Variants in TNFRSF8 observed in about 807,000 individuals in gnomAD.
The protein encoded by TNFRSF8 is TNF receptor superfamily member 8, also known as tumor necrosis factor receptor superfamily member 8.
A neutral mutation model predicts 70.8 loss-of-function variants in TNFRSF8; 26 were observed. The ratio of observed to expected loss-of-function variants is 0.37; its 90% CI spans 0.27 to 0.51. The LOEUF (loss-of-function observed/expected upper bound fraction) is 0.51. TNFRSF8 is among the 20% of genes least tolerant of loss of function. The pLI, the probability that TNFRSF8 is intolerant of heterozygous loss-of-function variation, is 0.94. For synonymous variants in TNFRSF8, 356 were observed against 339.2 expected (o/e 1.05, Z -0.54); for missense variants, 720 against 807.9 (o/e 0.89, Z 1.32).
chr1:12,084,208 A>G (rs1641113003), intron 1 of TNFRSF8, among the ~76,000 whole-genome samples: 1 of 152,150 alleles, frequency 6.6e-6, no homozygotes, highest in South Asian at 2.1e-4. Flanking sequence ...TGATTATGGT[A>G]TGAAAAGGGC....
At chr1:12,104,031 C>T (rs1641471518) in intron 3 of TNFRSF8, among the ~76,000 whole-genome samples, 1 of 152,164 alleles carries the variant, frequency 6.6e-6, no homozygotes, top group Non-Finnish European at 1.5e-5. Flanking sequence ...CCTCTCCCTC[C>T]CCCTGAACCT....
chr1:12,118,629 A>G (rs987099491), intron 8 of TNFRSF8, among the ~76,000 whole-genome samples: 4 of 152,226 alleles, frequency 2.6e-5, no homozygotes, highest in Non-Finnish European at 4.4e-5. Context: ...ATGCTATGAA[A>G]AGGAACAATA....
intron 14 of TNFRSF8, among the ~76,000 whole-genome samples, chr1:12,140,437 C>T (rs1642230969): frequency 6.6e-6 from 1 of 152,202 alleles, no homozygotes; most frequent in Non-Finnish European, 1.5e-5. Flanking sequence ...CCCCAACTTC[C>T]TCACCTGCCC....
intron 8 of TNFRSF8, among the ~76,000 whole-genome samples, chr1:12,116,172 G>A (rs1003605407): frequency 2.2e-4 from 33 of 151,996 alleles, no homozygotes; most frequent in African/African-American, 7.7e-4. Flanking sequence ...GAAGAGATGC[G>A]GTTTCTCCAT....
intron 1 of TNFRSF8, among the ~76,000 whole-genome samples, chr1:12,074,654 A>G (rs1312526311): frequency 6.6e-6 from 1 of 152,220 alleles, no homozygotes; most frequent in African/African-American, 2.4e-5. Context: ...GAAACATTGC[A>G]GAGTTTTCTG....
At position 12,142,573 on chromosome 1, in the gene TNFRSF8, T is replaced by G. The variant is rs770658397; in HGVS notation, c.*42T>G. ...GGGCTAGGAGGGCAGCAGGGTGGCC[T>G]CTGGGAGGCCAGGATGGCACTGTTG... On this transcript the variant is annotated 3_prime_UTR_variant, in exon 15 of 15. Coordinates refer to ENST00000263932, the MANE Select transcript of TNFRSF8 (RefSeq NM_001243.5). The surrounding 1 kb of genome is among the most constrained non-coding windows in gnomAD (Gnocchi z 5.0). 1 of 1,543,586 alleles carries G rather than the reference T, an allele frequency of 6.5e-7. No homozygotes were observed. Among genetic ancestry groups the G allele is most frequent in the South Asian group, 1.2e-5 (1 of 83,678 alleles).
At chr1:12,087,422 C>T (rs1251765359) in intron 2 of TNFRSF8, among the ~76,000 whole-genome samples, 1 of 152,166 alleles carries the variant, frequency 6.6e-6, no homozygotes. Context: ...CCCGCCTTGG[C>T]CTCATAAAGT....
At chr1:12,115,790 C>T (rs943278699) in intron 8 of TNFRSF8, 61 bp downstream of exon 8, 11 of 1,569,384 alleles carry the variant, frequency 7.0e-6, no homozygotes, top group South Asian at 1.1e-5. Context: ...CACTGTTGTG[C>T]CTCTCCCCAC....
chr1:12,126,208 G>T lies in TNFRSF8; in HGVS notation c.1281G>T (p.Gln427His). 10 of 1,614,160 alleles carry T rather than the reference G, an allele frequency of 6.2e-6. No homozygotes were observed. The highest frequency in any genetic ancestry group is 8.5e-6 in the Non-Finnish European group (10 of 1,180,038). Reference sequence around the variant, plus strand: ...AGCTCCACCTGTGCTACCCGGTCCAGACCTCCCAGCCCAAGCTAGAGCTTG... The same window carrying T: ...AGCTCCACCTGTGCTACCCGGTCCATACCTCCCAGCCCAAGCTAGAGCTTG... ...RQKLHLCYPVQTSQPKLELVD... is the reference protein window; with the variant it reads ...RQKLHLCYPVHTSQPKLELVD... The change falls in exon 12 of 15, where the codon CAG becomes CAT. Residue 427 changes from glutamine (Q) to histidine (H), a missense_variant. By Grantham distance (24) the Gln-to-His change is conservative. Coordinates refer to ENST00000263932, the MANE Select transcript of TNFRSF8 (RefSeq NM_001243.5).
Position 12,116,630 on chromosome 1 carries a change from G to A in TNFRSF8, c.946+901G>A, listed in dbSNP as rs577420874. ...AGCCTGACCAACATGGCAAAACCCC[G>A]TCTCTACTAAAAATACACAAATTAG... On this transcript the variant is annotated intron_variant, in intron 8 of 14. Coordinates refer to ENST00000263932, the MANE Select transcript of TNFRSF8 (RefSeq NM_001243.5). Among the ~76,000 whole-genome samples, 13 of 152,086 alleles carry A rather than the reference G, an allele frequency of 8.5e-5. No individual in the cohort carries two copies. The South Asian group carries it at 1.0e-3, about 12-fold the overall frequency.
chr1:12,085,868 G>A (rs1641145114), intron 2 of TNFRSF8, among the ~76,000 whole-genome samples: 1 of 152,196 alleles, frequency 6.6e-6, no homozygotes, highest in South Asian at 2.1e-4. Context: ...AGATGGGCGG[G>A]GCAGGACATA....
At position 12,141,857 on chromosome 1, in the gene TNFRSF8, A is replaced by C. The variant is rs1026285722; in HGVS notation, c.1544-430A>C. ...TAACCTCTCCAGGCTTCAGATTCTT[A>C]CCTGTAAATGGGAATCTTGATGGGG... On this transcript the variant is annotated intron_variant, in intron 14 of 14. Coordinates refer to ENST00000263932, the MANE Select transcript of TNFRSF8 (RefSeq NM_001243.5). The surrounding 1 kb of genome is among the most constrained non-coding windows in gnomAD (Gnocchi z 5.4). 9.9e-5 allele frequency among the ~76,000 whole-genome samples: 15 copies of C among 152,002 alleles called. No individual in the cohort carries two copies. Among genetic ancestry groups the C allele is most frequent in the African/African-American group, 3.4e-4 (14 of 41,390 alleles).
chr1:12,122,981 A>G (rs1476743607), intron 8 of TNFRSF8, among the ~76,000 whole-genome samples: 1 of 152,054 alleles, frequency 6.6e-6, no homozygotes, highest in Non-Finnish European at 1.5e-5. Context: ...GGTGTGTGCC[A>G]TCACACCTGG....
chr1:12,076,048 C>T (rs1640949700), intron 1 of TNFRSF8, among the ~76,000 whole-genome samples: 1 of 151,686 alleles, frequency 6.6e-6, no homozygotes, highest in African/African-American at 2.4e-5. Flanking sequence ...AACAATGCTG[C>T]TGAACGAAAT....
chr1:12,065,606 A>G (rs1640727477), intron 1 of TNFRSF8, among the ~76,000 whole-genome samples: 1 of 152,152 alleles, frequency 6.6e-6, no homozygotes, highest in African/African-American at 2.4e-5. Context: ...TAATAGACAT[A>G]TATATAGTTT....
At position 12,115,675 on chromosome 1, in the gene TNFRSF8, G is replaced by T; in HGVS notation, c.892G>T (p.Ala298Ser). ...ICATSATNSC[A>S]RCVPYPICAA... is the part of the protein sequence containing the mutation. ...TGCCACATCAGCCACCAACTCCTGT[G>T]CCCGCTGTGTCCCCTACCCAATCTG... is the stretch of plus-strand genomic sequence containing the variant. The change falls in exon 8 of 15, where the codon GCC (alanine) becomes TCC (serine). Residue 298 changes from alanine (A) to serine (S), a missense_variant. Ala to Ser is a moderately conservative substitution (Grantham distance 99). Coordinates refer to ENST00000263932, the MANE Select transcript of TNFRSF8 (RefSeq NM_001243.5). 1 of 1,614,172 alleles carries T rather than the reference G, an allele frequency of 6.2e-7. No homozygotes were observed. The highest frequency in any genetic ancestry group is 1.7e-5 in the Admixed American group (1 of 60,022).
intron 3 of TNFRSF8, among the ~76,000 whole-genome samples, chr1:12,097,718 A>C (rs1159984073): frequency 2.0e-5 from 3 of 150,408 alleles, no homozygotes; most frequent in Non-Finnish European, 4.4e-5. Flanking sequence ...TCTGTGTGCT[A>C]TCTAGTGTTT....
In TNFRSF8 at chr1:12,073,770, A is replaced by AT. The variant is rs368611291; in HGVS notation, c.63+10114dup. Among the ~76,000 whole-genome samples, 78 of 150,902 alleles carry AT rather than the reference A, an allele frequency of 5.2e-4. 1 individual carries two copies. Among genetic ancestry groups the AT allele is most frequent in the African/African-American group, 1.7e-3 (71 of 41,118 alleles). ...CACCACGCCTGGCTAATTTTTATGTATTTTTACTAGAGATGGGGTTTCACC... is the reference window on the plus strand; with the variant it reads ...CACCACGCCTGGCTAATTTTTATGTATTTTTTACTAGAGATGGGGTTTCACC... On this transcript the variant is annotated intron_variant, in intron 1 of 14. Transcript: ENST00000263932.
intron 2 of TNFRSF8, among the ~76,000 whole-genome samples, chr1:12,085,214 G>A (rs1257668680): frequency 6.6e-6 from 1 of 152,090 alleles, no homozygotes; most frequent in African/African-American, 2.4e-5. Flanking sequence ...GGGTTCAAGC[G>A]ATTCTCCTGA....
Sources: allele counts gnomAD v4.1 joint callset (sites outside exome capture counted in the v4.1 genomes callset), GRCh38; gene constraint gnomAD v4.1.1; non-coding constraint Gnocchi (gnomAD v3.1); transcripts MANE v1.5; gene names NCBI Gene and HGNC (gene_info 2026-07-23, HGNC 2026-07-21).